AGAP1: variants seen among roughly 807,000 people sequenced by gnomAD.
The protein encoded by AGAP1 is arf-GAP with GTPase, ANK repeat and PH domain-containing protein 1.
In AGAP1, 29 loss-of-function variants were observed where a neutral mutation model predicts 105.3. The observed-to-expected ratio is 0.28, with a 90% CI of 0.21 to 0.38. AGAP1 has a LOEUF of 0.38. Ranked by LOEUF, AGAP1 falls within the 10% of genes least tolerant of loss-of-function variation. The pLI is 1.00. For synonymous variants in AGAP1, 509 were observed against 485.9 expected (o/e 1.05, Z -0.63); for missense variants, 998 against 1,165.1 (o/e 0.86, Z 2.09).
intron 6 of AGAP1, among the ~76,000 whole-genome samples, chr2:235,761,831 G>A (rs1361455700): frequency 1.3e-5 from 2 of 152,034 alleles, no homozygotes; most frequent in Admixed American, 6.6e-5. Context: ...ACATAGGCCG[G>A]GCGCACAGTG....
chr2:235,656,541 C>T (rs1349250147), intron 1 of AGAP1, among the ~76,000 whole-genome samples: 1 of 152,182 alleles, frequency 6.6e-6, no homozygotes, highest in African/African-American at 2.4e-5. Flanking sequence ...TCATTCTCCA[C>T]CCTGCATAAC....
chr2:235,982,086 A>G lies in AGAP1; in HGVS notation c.1645+13463A>G, dbSNP rs2055123302. Among the ~76,000 whole-genome samples the G allele has an allele frequency of 6.6e-6, 1 of 152,238 alleles. No homozygotes were observed. Among genetic ancestry groups the G allele is most frequent in the Non-Finnish European group, 1.5e-5 (1 of 68,040 alleles). ...CAGCAGATTGACAGAATGCATTTTTACAGCACTTAGAAAATACCAGATCCA... is the reference window on the plus strand; with the variant it reads ...CAGCAGATTGACAGAATGCATTTTTGCAGCACTTAGAAAATACCAGATCCA... On this transcript the variant is annotated intron_variant, in intron 13 of 17. Transcript: ENST00000304032. This position sits in a 1 kb window ranked among gnomAD's most constrained non-coding sequence, Gnocchi z 4.9.
In AGAP1 at chr2:235,610,512, G is replaced by T. The variant is rs1180300522; in HGVS notation, c.164-98667G>T. On this transcript the variant is annotated intron_variant, in intron 1 of 17. Coordinates refer to ENST00000304032, the MANE Select transcript of AGAP1 (RefSeq NM_001037131.3). The surrounding 1 kb of genome is among the most constrained non-coding windows in gnomAD (Gnocchi z 4.9). ...GTGCAGAGCATGCCAGCTCTCTGCT[G>T]TCTCTTTTTCTAAGGGTGCTAATTC... is the stretch of plus-strand genomic sequence containing the variant. 3.3e-5 allele frequency among the ~76,000 whole-genome samples: 5 copies of T among 152,108 alleles called. No individual in the cohort carries two copies. The highest frequency in any genetic ancestry group is 6.5e-5 in the Admixed American group (1 of 15,276).
At chr2:235,749,447 C>T (rs995581865) in intron 5 of AGAP1, among the ~76,000 whole-genome samples, 3 of 151,836 alleles carry the variant, frequency 2.0e-5, no homozygotes, top group African/African-American at 4.8e-5. Flanking sequence ...GCTGCTCAAA[C>T]GCCCCCGTGT....
At position 235,792,987 on chromosome 2, in the gene AGAP1, A is replaced by C. The variant is rs1487045357; in HGVS notation, c.674-4772A>C. 6.6e-6 allele frequency among the ~76,000 whole-genome samples: 1 copy of C among 152,162 alleles called. No individual in the cohort carries two copies. Among genetic ancestry groups the C allele is most frequent in the Non-Finnish European group, 1.5e-5 (1 of 68,024 alleles). ...GATGCCAGGGAAGCACCCGCACTTC[A>C]GGAGCCAGCAAGGGAGGATGAGAAA... On this transcript the variant is annotated intron_variant, in intron 6 of 17. Transcript: ENST00000304032. The surrounding 1 kb of genome is among the most constrained non-coding windows in gnomAD (Gnocchi z 5.3).
intron 6 of AGAP1, among the ~76,000 whole-genome samples, chr2:235,761,435 A>C (rs535655236): frequency 6.6e-6 from 1 of 152,330 alleles, no homozygotes; most frequent in East Asian, 1.9e-4. Flanking sequence ...TTTTGCTCAT[A>C]GAATTAATTT....
intron 16 of AGAP1, among the ~76,000 whole-genome samples, chr2:236,117,472 G>A (rs571609594): frequency 2.0e-5 from 3 of 152,146 alleles, no homozygotes; most frequent in East Asian, 1.9e-4. Flanking sequence ...TTCAGGAGCC[G>A]CAGGTTCGTA....
intron 10 of AGAP1, among the ~76,000 whole-genome samples, chr2:235,890,367 G>A (rs1255363616): frequency 2.0e-5 from 3 of 151,964 alleles, no homozygotes; most frequent in African/African-American, 7.3e-5. Flanking sequence ...GCCCAAGCTG[G>A]TCTCAAACTC....
chr2:235,834,407 C>T (rs1959864726), intron 9 of AGAP1, among the ~76,000 whole-genome samples: 1 of 152,200 alleles, frequency 6.6e-6, no homozygotes, highest in African/African-American at 2.4e-5. Flanking sequence ...GGTTCATCCT[C>T]TGTCCCTGCC....
intron 1 of AGAP1, among the ~76,000 whole-genome samples, chr2:235,562,149 A>G (rs997827609): frequency 3.3e-5 from 5 of 152,246 alleles, no homozygotes; most frequent in Non-Finnish European, 7.3e-5. Context: ...TTAACTTTTA[A>G]GGCTATTCAC....
At chr2:235,862,818 T>C (rs2048984936) in intron 9 of AGAP1, among the ~76,000 whole-genome samples, 1 of 152,224 alleles carries the variant, frequency 6.6e-6, no homozygotes, top group Non-Finnish European at 1.5e-5. Context: ...TTGTTCTTTA[T>C]GCCTCTTCAC....
chr2:235,882,035 C>G lies in AGAP1; in HGVS notation c.1051-1310C>G, dbSNP rs2050049238. 6.6e-6 allele frequency among the ~76,000 whole-genome samples: 1 copy of G among 152,048 alleles called. No individual in the cohort carries two copies. Among genetic ancestry groups the G allele is most frequent in the Middle Eastern group, 3.4e-3 (1 of 294 alleles). ...TACAGTTAATGCAGTTTGGGTTTTT[C>G]TGGGGTTTTTTTGTGGTTTTTGTTT... On this transcript the variant is annotated intron_variant, in intron 9 of 17. Transcript: ENST00000304032. The surrounding 1 kb of genome is among the most constrained non-coding windows in gnomAD (Gnocchi z 4.6).
chr2:235,997,170 A>G (rs957211833), intron 13 of AGAP1, among the ~76,000 whole-genome samples: 1 of 152,294 alleles, frequency 6.6e-6, no homozygotes, highest in African/African-American at 2.4e-5. Flanking sequence ...GCTCACTGCA[A>G]CTTCTGCCTC....
chr2:235,699,429 TA>T (rs1389269120), intron 1 of AGAP1, among the ~76,000 whole-genome samples: 3 of 152,210 alleles, frequency 2.0e-5, no homozygotes, highest in Non-Finnish European at 4.4e-5. Flanking sequence ...GAGCTCACTA[TA>T]TACTAGAAGT....
At chr2:235,797,614 G>T (rs754133968) in intron 6 of AGAP1, 145 bp from the exon 7 acceptor site, 27 of 1,041,180 alleles carry the variant, frequency 2.6e-5, no homozygotes, top group Non-Finnish European at 3.6e-5. Context: ...TATTCTGGTT[G>T]TCATTTGCCC....
chr2:235,841,895 GCTCT>G (rs1293861901), intron 9 of AGAP1, among the ~76,000 whole-genome samples: 1 of 151,992 alleles, frequency 6.6e-6, no homozygotes. Context: ...GTATCCTGCT[GCTCT>G]CTCTCTTCCC....
At chr2:235,533,605 A>G (rs1943113764) in intron 1 of AGAP1, among the ~76,000 whole-genome samples, 1 of 152,238 alleles carries the variant, frequency 6.6e-6, no homozygotes, top group East Asian at 1.9e-4. Flanking sequence ...TCCAGTATTT[A>G]AAATCATCAG....
intron 1 of AGAP1, among the ~76,000 whole-genome samples, chr2:235,595,827 A>G (rs1418892497): frequency 6.6e-6 from 1 of 152,248 alleles, no homozygotes; most frequent in African/African-American, 2.4e-5. Flanking sequence ...GTCTTTGAAA[A>G]TTAAGAAAAA....
chr2:235,895,440 C>T (rs1034911876), intron 10 of AGAP1, among the ~76,000 whole-genome samples: 1 of 152,182 alleles, frequency 6.6e-6, no homozygotes, highest in Non-Finnish European at 1.5e-5. Flanking sequence ...CGGGTCTTCA[C>T]AAATGCAGTT....
Sources: allele counts gnomAD v4.1 joint callset (sites outside exome capture counted in the v4.1 genomes callset), GRCh38; gene constraint gnomAD v4.1.1; non-coding constraint Gnocchi (gnomAD v3.1); transcripts MANE v1.5; gene names NCBI Gene and HGNC (gene_info 2026-07-23, HGNC 2026-07-21).